ABLIM1: variants seen among roughly 807,000 people sequenced by gnomAD.
ABLIM1 encodes the protein actin binding LIM protein 1, also known as actin-binding LIM protein 1.
Under a neutral mutation model 107.0 loss-of-function variants are expected in ABLIM1, and 40 were observed. That is an observed-to-expected ratio of 0.37 (90% CI 0.29 to 0.49). The LOEUF is 0.49. ABLIM1 is among the 20% of genes least tolerant of loss of function. The pLI is 0.97. For missense variants in ABLIM1, 857 were observed against 1,008.5 expected (o/e 0.85, Z 2.04); for synonymous variants, 357 against 357.3 (o/e 1.00, Z 0.01).
the ABLIM1 span, among the ~76,000 whole-genome samples, chr10:114,777,558 C>A: frequency 2.6e-5 from 4 of 152,266 alleles, no homozygotes; most frequent in Non-Finnish European, 4.4e-5. Context: ...TGGCAGGATG[C>A]CTCCTCCTAG....
chr10:114,786,968 G>T, the ABLIM1 span, among the ~76,000 whole-genome samples: 11 of 151,320 alleles, frequency 7.3e-5, no homozygotes, highest in Non-Finnish European at 1.5e-4. Flanking sequence ...CGTCTGGGAT[G>T]TGAGGAGCCC....
chr10:114,652,159 C>G (rs1246748082), intron 1 of ABLIM1, among the ~76,000 whole-genome samples: 1 of 152,178 alleles, frequency 6.6e-6, no homozygotes, highest in African/African-American at 2.4e-5. Flanking sequence ...CTGACACAGA[C>G]TCTCAATGTT....
At chr10:114,640,476 G>A (rs938061387) in intron 1 of ABLIM1, among the ~76,000 whole-genome samples, 5 of 152,242 alleles carry the variant, frequency 3.3e-5, no homozygotes, top group Middle Eastern at 6.8e-3. Context: ...GCAGTGAGCC[G>A]AGATCGCGCC....
intron 2 of ABLIM1, among the ~76,000 whole-genome samples, chr10:114,584,932 C>T (rs574759191): frequency 1.7e-4 from 26 of 152,084 alleles, no homozygotes; most frequent in South Asian, 4.2e-4. Flanking sequence ...TGTAGAACTT[C>T]GTGTCCAAAC....
chr10:114,689,487 G>A (rs144201320), upstream of ABLIM1, among the ~76,000 whole-genome samples: 2,414 of 148,868 alleles, frequency 0.016, 60 homozygotes, highest in African/African-American at 0.055. Flanking sequence ...TCAGCCTCCC[G>A]AGTAGCTGGG....
intron 1 of ABLIM1, among the ~76,000 whole-genome samples, chr10:114,613,165 C>T (rs1337598559): frequency 2.0e-5 from 3 of 152,198 alleles, no homozygotes; most frequent in Non-Finnish European, 4.4e-5. Context: ...TGGCACTTCA[C>T]AATTTATAAA....
chr10:114,551,818 C>T (rs1410011678), intron 4 of ABLIM1, among the ~76,000 whole-genome samples: 4 of 152,150 alleles, frequency 2.6e-5, no homozygotes, highest in Non-Finnish European at 5.9e-5. Flanking sequence ...CACAATCATT[C>T]TAGTCAAAGT....
chr10:114,488,167 T>C, intron 7 of ABLIM1, 151 bp from the exon 8 acceptor site: 1 of 845,448 alleles, frequency 1.2e-6, no homozygotes, highest in Non-Finnish European at 1.9e-6. Flanking sequence ...AACACAAAAA[T>C]CAGACATGTC....
chr10:114,544,957 C>T (rs765694083), intron 6 of ABLIM1, 48 bp downstream of exon 6: 18 of 1,568,028 alleles, frequency 1.1e-5, no homozygotes, highest in South Asian at 1.0e-4. Context: ...TTCTGAGGGC[C>T]GCTGAGAAAG....
intron 2 of ABLIM1, among the ~76,000 whole-genome samples, chr10:114,584,134 A>AG (rs2073927163): frequency 6.8e-6 from 1 of 146,928 alleles, no homozygotes; most frequent in African/African-American, 2.5e-5. Context: ...CAAAATTAAG[A>AG]AAAAAGAAAA....
At chr10:114,637,691 A>G (rs1279029338) in intron 1 of ABLIM1, among the ~76,000 whole-genome samples, 3 of 152,234 alleles carry the variant, frequency 2.0e-5, no homozygotes, top group Non-Finnish European at 2.9e-5. Flanking sequence ...AAGGATATAA[A>G]TGACAGAGTG....
chr10:114,662,501 C>A (rs2079837789), upstream of ABLIM1, among the ~76,000 whole-genome samples: 1 of 152,112 alleles, frequency 6.6e-6, no homozygotes, highest in African/African-American at 2.4e-5. Context: ...CAGCCCTGGG[C>A]ATCTTCTCTG....
intron 6 of ABLIM1, among the ~76,000 whole-genome samples, chr10:114,506,081 A>G (rs2061093724): frequency 6.6e-6 from 1 of 152,214 alleles, no homozygotes; most frequent in Middle Eastern, 3.4e-3. Context: ...TGTGTATTCA[A>G]TGTTTAGCTC....
At chr10:114,608,601 G>A (rs910962105) in intron 1 of ABLIM1, among the ~76,000 whole-genome samples, 8 of 152,032 alleles carry the variant, frequency 5.3e-5, no homozygotes, top group African/African-American at 1.9e-4. Context: ...CCTGGGAGGC[G>A]GAGGTTGTGG....
At chr10:114,704,302 CTA>C (rs369952218) in intron 1 of ABLIM1, among the ~76,000 whole-genome samples, 7,425 of 42,032 alleles carry the variant, frequency 0.18, 470 homozygotes, top group Non-Finnish European at 0.23. Context: ...CTCTCTCTCT[CTA>C]TATATATATA....
intron 7 of ABLIM1, among the ~76,000 whole-genome samples, chr10:114,491,150 G>A (rs1433848608): frequency 6.6e-6 from 1 of 151,236 alleles, no homozygotes; most frequent in Admixed American, 6.6e-5. Context: ...GATTCCAATG[G>A]CTCCCTGGTA....
At chr10:114,597,817 G>C (rs374393903) in intron 2 of ABLIM1, among the ~76,000 whole-genome samples, 1 of 152,074 alleles carries the variant, frequency 6.6e-6, no homozygotes, top group African/African-American at 2.4e-5. Context: ...GGGATGAAGC[G>C]ATGAAAAAGG....
chr10:114,689,891 C>T (rs2081037080), upstream of ABLIM1, among the ~76,000 whole-genome samples: 1 of 152,032 alleles, frequency 6.6e-6, no homozygotes, highest in African/African-American at 2.4e-5. Context: ...TGATGCTGCC[C>T]CTTAGCATCT....
intron 1 of ABLIM1, among the ~76,000 whole-genome samples, chr10:114,642,509 T>C (rs2078796321): frequency 6.6e-6 from 1 of 152,124 alleles, no homozygotes; most frequent in Non-Finnish European, 1.5e-5. Flanking sequence ...ATGATTTCAA[T>C]GAATGCAGAA....
Sources: allele counts gnomAD v4.1 joint callset (sites outside exome capture counted in the v4.1 genomes callset), GRCh38; gene constraint gnomAD v4.1.1; transcripts MANE v1.5; gene names NCBI Gene and HGNC (gene_info 2026-07-23, HGNC 2026-07-21).